MPPED2: variants seen among roughly 807,000 people sequenced by gnomAD.
MPPED2 encodes metallophosphoesterase MPPED2.
Under a neutral mutation model 33.0 loss-of-function variants are expected in MPPED2, and 5 were observed. That is an observed-to-expected ratio of 0.15 (90% CI 0.08 to 0.32). The LOEUF is 0.32. Among genes scored for constraint, MPPED2 ranks in the 10% least tolerant of loss-of-function variants. The pLI is 1.00. For missense variants in MPPED2, 275 were observed against 372.1 expected (o/e 0.74, Z 2.15); for synonymous variants, 136 against 141.9 (o/e 0.96, Z 0.29).
chr11:30,398,052 TTTGGTATTAAGTCATTATCC>T (rs1947860328), intron 6 of MPPED2, among the ~76,000 whole-genome samples: 2 of 152,228 alleles, frequency 1.3e-5, no homozygotes, highest in East Asian at 3.9e-4. Context: ...GGGATGGAGA[TTTGGTATTAAGTCATTATCC>T]TTGCAGATAA....
At chr11:30,500,453 A>G (rs978670674) in intron 3 of MPPED2, among the ~76,000 whole-genome samples, 1 of 152,206 alleles carries the variant, frequency 6.6e-6, no homozygotes, top group South Asian at 2.1e-4. Context: ...ATTCGATTTT[A>G]AAACTATTAC....
At chr11:30,461,555 A>G (rs1039609435) in intron 4 of MPPED2, among the ~76,000 whole-genome samples, 11 of 152,118 alleles carry the variant, frequency 7.2e-5, no homozygotes, top group African/African-American at 2.7e-4. Flanking sequence ...TGTGACTCAA[A>G]CTACAACGTC....
chr11:30,516,110 T>C (rs940907487), intron 3 of MPPED2, among the ~76,000 whole-genome samples: 1 of 152,164 alleles, frequency 6.6e-6, no homozygotes, highest in Non-Finnish European at 1.5e-5. Context: ...AGTTTGGATA[T>C]AGCATGAGGA....
At chr11:30,576,323 C>A (rs1463973099) in intron 2 of MPPED2, among the ~76,000 whole-genome samples, 1 of 152,058 alleles carries the variant, frequency 6.6e-6, no homozygotes, top group Non-Finnish European at 1.5e-5. Flanking sequence ...CTCCACAGAA[C>A]CAGGGTAAAA....
At chr11:30,536,251 T>A in intron 2 of MPPED2, 76 bp from the exon 3 acceptor site, 1 of 1,284,708 alleles carries the variant, frequency 7.8e-7, no homozygotes, top group Non-Finnish European at 1.0e-6. Flanking sequence ...CATACATATT[T>A]ATTATTATTC....
intron 4 of MPPED2, among the ~76,000 whole-genome samples, chr11:30,451,289 T>G (rs915127446): frequency 6.6e-6 from 1 of 152,224 alleles, no homozygotes; most frequent in Non-Finnish European, 1.5e-5. Context: ...TTAGCTGCTT[T>G]TGTTACATTC....
exon 7 of MPPED2, chr11:30,386,804 A>G (rs1947707901): frequency 5.0e-6 from 2 of 398,484 alleles, no homozygotes; most frequent in African/African-American, 4.1e-5. Context: ...CACTCATATT[A>G]GTAGGATTAT....
chr11:30,405,528 C>T (rs538811), downstream of MPPED2, among the ~76,000 whole-genome samples: 139,028 of 152,208 alleles, frequency 0.91, 63,514 homozygotes, highest in East Asian at 1. Flanking sequence ...AGAGCCTTTT[C>T]ACCTCAAGAT....
intron 2 of MPPED2, among the ~76,000 whole-genome samples, chr11:30,562,259 G>A (rs1489387327): frequency 6.6e-6 from 1 of 152,118 alleles, no homozygotes; most frequent in Admixed American, 6.6e-5. Context: ...AATAGGAAAT[G>A]GCAGTGGTTT....
At chr11:30,401,157 C>A (rs1244164458) in intron 6 of MPPED2, among the ~76,000 whole-genome samples, 1 of 152,068 alleles carries the variant, frequency 6.6e-6, no homozygotes, top group Non-Finnish European at 1.5e-5. Context: ...GTTTGGTTTT[C>A]GAAAAATCAG....
intron 4 of MPPED2, among the ~76,000 whole-genome samples, chr11:30,491,631 G>C (rs1951985892): frequency 6.6e-6 from 1 of 152,142 alleles, no homozygotes; most frequent in Non-Finnish European, 1.5e-5. Context: ...TCCCATTTTA[G>C]AGATGAAACA....
chr11:30,575,381 T>A (rs1395061050), intron 2 of MPPED2, among the ~76,000 whole-genome samples: 1 of 152,198 alleles, frequency 6.6e-6, no homozygotes, highest in Non-Finnish European at 1.5e-5. Context: ...TGTCATTATA[T>A]ATCATTTCAT....
At chr11:30,387,049 C>T (rs931646205) in exon 7 of MPPED2, 7 of 335,826 alleles carry the variant, frequency 2.1e-5, no homozygotes, top group Non-Finnish European at 3.8e-5. Context: ...GAGCATCTAA[C>T]TGCACAGCGT....
At chr11:30,585,388 C>T (rs1255433991) in intron 1 of MPPED2, among the ~76,000 whole-genome samples, 1 of 151,802 alleles carries the variant, frequency 6.6e-6, no homozygotes, top group African/African-American at 2.4e-5. Flanking sequence ...CGCGCGCGGG[C>T]GGCCCCGGGG....
chr11:30,397,331 T>C (rs1947851123), intron 6 of MPPED2, among the ~76,000 whole-genome samples: 2 of 152,294 alleles, frequency 1.3e-5, no homozygotes, highest in African/African-American at 4.8e-5. Flanking sequence ...GAGCAACTCC[T>C]CTAGTAAATT....
chr11:30,533,049 A>C (rs1003254180), intron 3 of MPPED2, among the ~76,000 whole-genome samples: 2 of 152,206 alleles, frequency 1.3e-5, no homozygotes, highest in South Asian at 4.1e-4. Flanking sequence ...CAGAAGCTAC[A>C]GCACTTTCTA....
intron 6 of MPPED2, among the ~76,000 whole-genome samples, chr11:30,412,099 T>A (rs1948130966): frequency 6.6e-6 from 1 of 151,782 alleles, no homozygotes; most frequent in South Asian, 2.1e-4. Flanking sequence ...CTTAACTGCC[T>A]TTACGAAAGT....
chr11:30,461,663 G>A (rs1950523096), intron 4 of MPPED2, among the ~76,000 whole-genome samples: 1 of 152,126 alleles, frequency 6.6e-6, no homozygotes, highest in South Asian at 2.1e-4. Context: ...AGCACCCTGA[G>A]GCAGGCATAT....
chr11:30,581,993 A>G (rs1302266365), intron 1 of MPPED2, among the ~76,000 whole-genome samples: 2 of 152,218 alleles, frequency 1.3e-5, no homozygotes, highest in Non-Finnish European at 2.9e-5. Context: ...TAACTAAATT[A>G]AAATCTTTCC....
Sources: allele counts gnomAD v4.1 joint callset (sites outside exome capture counted in the v4.1 genomes callset), GRCh38; gene constraint gnomAD v4.1.1; transcripts MANE v1.5; gene names NCBI Gene and HGNC (gene_info 2026-07-23, HGNC 2026-07-21).